The following MALRD1 variants were observed in gnomAD, a reference collection of about 807,000 sequenced individuals.
The protein encoded by MALRD1 is MAM and LDL receptor class A domain containing 1, also known as MAM and LDL-receptor class A domain-containing protein 1.
A neutral mutation model predicts 242.1 loss-of-function variants in MALRD1; 247 were observed. The ratio of observed to expected loss-of-function variants is 1.02; its 90% CI spans 0.92 to 1.13. MALRD1 has a LOEUF of 1.13. Among genes scored for constraint, MALRD1 ranks in the 50% most tolerant of loss-of-function variants. The pLI is 0.00. For synonymous variants in MALRD1, 995 were observed against 866.6 expected, an observed-to-expected ratio of 1.15 and a Z score of -2.60; for missense variants, 2,989 against 2,533.1, an observed-to-expected ratio of 1.18 and a Z score of -3.86.
At chr10:19,109,997 C>T (rs764038701) in intron 5 of MALRD1, among the ~76,000 whole-genome samples, 3 of 152,198 alleles carry the variant, frequency 2.0e-5, no homozygotes, top group Non-Finnish European at 2.9e-5. Flanking sequence ...CTGAACCTCT[C>T]CCAACTGGGG....
intron 23 of MALRD1, among the ~76,000 whole-genome samples, chr10:19,328,063 T>C (rs1431279331): frequency 6.6e-6 from 1 of 152,134 alleles, no homozygotes; most frequent in African/African-American, 2.4e-5. Context: ...TTATTAAACA[T>C]TATTATAGGG....
intron 25 of MALRD1, among the ~76,000 whole-genome samples, chr10:19,349,685 G>T (rs879660275): frequency 6.6e-6 from 1 of 152,026 alleles, no homozygotes; most frequent in Admixed American, 6.6e-5. Flanking sequence ...TCTATGTTGG[G>T]TATATATCTA....
chr10:19,598,833 T>C (rs1180276727), intron 34 of MALRD1, among the ~76,000 whole-genome samples: 1 of 152,000 alleles, frequency 6.6e-6, no homozygotes, highest in East Asian at 1.9e-4. Flanking sequence ...AAAGCAGACA[T>C]TGAAGACACT....
Position 19,576,195 on chromosome 10 carries a change from A to G in MALRD1, c.5680+8492A>G, listed in dbSNP as rs574036680. On this transcript the variant is annotated intron_variant, in intron 33 of 39. Transcript: ENST00000454679. Reference sequence around the variant, plus strand: ...AAGTAATAGCTTTGGAAGCTGAGCTATCTACCCCTCTGACATCACTATGAA... The same window carrying G: ...AAGTAATAGCTTTGGAAGCTGAGCTGTCTACCCCTCTGACATCACTATGAA... Among the ~76,000 whole-genome samples, 15 of 152,326 alleles carry G rather than the reference A, an allele frequency of 9.8e-5. No individual in the cohort carries two copies. The South Asian group carries it at 3.1e-3, about 32-fold the overall frequency.
At chr10:19,489,454 C>G in intron 29 of MALRD1, 2 of 585,096 alleles carry the variant, frequency 3.4e-6, no homozygotes, top group Non-Finnish European at 6.3e-6. Context: ...CTTGTACAAT[C>G]CAGGGGAATA....
chr10:19,579,112 C>T (rs894490455), intron 33 of MALRD1, among the ~76,000 whole-genome samples: 2 of 152,154 alleles, frequency 1.3e-5, no homozygotes, highest in Admixed American at 1.3e-4. Context: ...TTCCGTTAAA[C>T]ATAGCTATGT....
chr10:19,448,551 G>T (rs1033164068), intron 28 of MALRD1, among the ~76,000 whole-genome samples: 2 of 152,030 alleles, frequency 1.3e-5, no homozygotes, highest in African/African-American at 4.8e-5. Flanking sequence ...GCCTTGTCCT[G>T]TGCTCAACTG....
intron 35 of MALRD1, among the ~76,000 whole-genome samples, chr10:19,608,342 A>T (rs1015619598): frequency 6.6e-6 from 1 of 152,076 alleles, no homozygotes; most frequent in Non-Finnish European, 1.5e-5. Context: ...TAGCAAATCT[A>T]TTAAACCTTA....
At chr10:19,584,107 TTCTC>T (rs1421696528) in intron 33 of MALRD1, among the ~76,000 whole-genome samples, 1 of 150,810 alleles carries the variant, frequency 6.6e-6, no homozygotes, top group Non-Finnish European at 1.5e-5. Context: ...TATTTGATTC[TTCTC>T]TCTTTTTTTC....
At chr10:19,264,204 C>T (rs1187409202) in intron 19 of MALRD1, among the ~76,000 whole-genome samples, 1 of 151,988 alleles carries the variant, frequency 6.6e-6, no homozygotes, top group East Asian at 1.9e-4. Flanking sequence ...AGATTTTAAG[C>T]CTTCATTCTG....
At chr10:19,257,596 T>A in intron 18 of MALRD1, 88 bp from the exon 19 acceptor site, 1 of 1,038,574 alleles carries the variant, frequency 9.6e-7, no homozygotes, top group Non-Finnish European at 1.4e-6. Context: ...TGGGTACATT[T>A]TAAATTCCTC....
In MALRD1 at chr10:19,694,727, T is replaced by A. The variant is rs374667601; in HGVS notation, c.6314+2173T>A. Among the ~76,000 whole-genome samples, 25 of 152,316 alleles carry A rather than the reference T, an allele frequency of 1.6e-4. No homozygotes were observed. The South Asian group carries it at 5.2e-3, about 32-fold the overall frequency. The stretch of plus-strand genomic sequence containing the variant: ...ACCCAGCCATCCATTACTGGGTATA[T>A]ACCCAAAGGGATATAAATCATGCTG... On this transcript the variant is annotated intron_variant, in intron 38 of 39. Coordinates refer to ENST00000454679, the MANE Select transcript of MALRD1 (RefSeq NM_001142308.3).
intron 33 of MALRD1, among the ~76,000 whole-genome samples, chr10:19,585,934 C>T (rs1837369536): frequency 6.6e-6 from 1 of 152,092 alleles, no homozygotes. Context: ...TCTTTTTATT[C>T]TTTTTCCTCT....
chr10:19,349,805 C>T (rs755232264), intron 25 of MALRD1, among the ~76,000 whole-genome samples: 1 of 152,078 alleles, frequency 6.6e-6, no homozygotes, highest in Non-Finnish European at 1.5e-5. Flanking sequence ...AGGTTGACCT[C>T]TCAGCTTTTC....
At chr10:19,185,814 A>AGTGT (rs5783657) in intron 14 of MALRD1, among the ~76,000 whole-genome samples, 17,267 of 148,230 alleles carry the variant, frequency 0.12, 1,002 homozygotes, top group East Asian at 0.18. Context: ...GTTTTGAGAT[A>AGTGT]GTGTGTGTGT....
intron 18 of MALRD1, among the ~76,000 whole-genome samples, chr10:19,224,523 C>T (rs1259279724): frequency 6.6e-6 from 1 of 152,116 alleles, no homozygotes; most frequent in Non-Finnish European, 1.5e-5. Flanking sequence ...AAACTCCTGA[C>T]CTTGTGATCC....
chr10:19,575,483 T>TCA (rs66882231), intron 33 of MALRD1, among the ~76,000 whole-genome samples: 22,941 of 148,396 alleles, frequency 0.15, 1,935 homozygotes, highest in African/African-American at 0.24. Flanking sequence ...AGGCCATGGT[T>TCA]CACACACACA....
At chr10:19,168,529 T>G (rs1227255543) in intron 13 of MALRD1, among the ~76,000 whole-genome samples, 1 of 152,216 alleles carries the variant, frequency 6.6e-6, no homozygotes, top group Non-Finnish European at 1.5e-5. Flanking sequence ...GAAGCTCTCA[T>G]GGACCCATCA....
chr10:19,271,486 C>T (rs1183074446), intron 19 of MALRD1, among the ~76,000 whole-genome samples: 3 of 152,088 alleles, frequency 2.0e-5, no homozygotes, highest in African/African-American at 4.8e-5. Flanking sequence ...AATGTTAGGC[C>T]GGGTACGGTG....
Sources: allele counts gnomAD v4.1 joint callset (sites outside exome capture counted in the v4.1 genomes callset), GRCh38; gene constraint gnomAD v4.1.1; transcripts MANE v1.5; gene names NCBI Gene and HGNC (gene_info 2026-07-23, HGNC 2026-07-21).